Variants in NYAP2 observed in about 807,000 individuals in gnomAD.
NYAP2 encodes the protein neuronal tyrosine-phosphorylated phosphoinositide-3-kinase adaptor 2.
In NYAP2, 23 loss-of-function variants were observed where a neutral mutation model predicts 50.4. The observed-to-expected ratio is 0.46, with a 90% CI of 0.33 to 0.65. The LOEUF is 0.65. Ranked by LOEUF, NYAP2 falls within the 30% of genes least tolerant of loss-of-function variation. The pLI is 0.02. For synonymous variants in NYAP2, 394 were observed against 365.2 expected, an observed-to-expected ratio of 1.08 and a Z score of -0.90; for missense variants, 885 against 861.0, an observed-to-expected ratio of 1.03 and a Z score of -0.35.
Position 225,651,390 on chromosome 2 carries a change from T to C in NYAP2, c.1829-42T>C, listed in dbSNP as rs201004983. 6.8e-6 allele frequency: 11 copies of C among 1,613,106 alleles called. No individual in the cohort carries two copies. In the Admixed American group the frequency reaches 1.5e-4, roughly 22 times the overall value. Reference sequence around the variant, plus strand: ...TGAAAAGCCACTTCATTATTCCAGATGTCAGTCAGCTAATATTGTGTCTTT... The same window carrying C: ...TGAAAAGCCACTTCATTATTCCAGACGTCAGTCAGCTAATATTGTGTCTTT... On this transcript the variant is annotated intron_variant, in intron 6 of 6. Transcript: ENST00000636099.
At chr2:225,662,197 C>T in the NYAP2 span, among the ~76,000 whole-genome samples, 2 of 152,182 alleles carry the variant, frequency 1.3e-5, no homozygotes, top group African/African-American at 4.8e-5. Flanking sequence ...GCAAAATCTC[C>T]AAAGTTGACA....
At chr2:225,399,258 A>C (rs905700512), upstream of NYAP2, among the ~76,000 whole-genome samples, 3 of 152,034 alleles carry the variant, frequency 2.0e-5, no homozygotes, top group Non-Finnish European at 4.4e-5. Flanking sequence ...TCATAGTGCA[A>C]AATTAATAGA....
Position 225,523,998 on chromosome 2 carries a change from A to C in NYAP2, c.523+10326A>C, listed in dbSNP as rs115016040. Among the ~76,000 whole-genome samples the C allele has an allele frequency of 5.1e-3, 781 of 152,310 alleles. 6 individuals are homozygous for C. Among genetic ancestry groups the C allele is most frequent in the African/African-American group, 0.017 (716 of 41,570 alleles). On this transcript the variant is annotated intron_variant, in intron 4 of 6. Coordinates refer to ENST00000636099, the Ensembl canonical transcript of NYAP2. Reference sequence around the variant, plus strand: ...ATGCTTCTGGGAAAATTGGATAGCCATATGCAAAAGAATGAAGCTTGTATT... The same window carrying C: ...ATGCTTCTGGGAAAATTGGATAGCCCTATGCAAAAGAATGAAGCTTGTATT...
At chr2:225,559,474 A>G (rs562702214) in intron 4 of NYAP2, among the ~76,000 whole-genome samples, 1 of 152,208 alleles carries the variant, frequency 6.6e-6, no homozygotes, top group East Asian at 1.9e-4. Context: ...CTTACTGGAT[A>G]TTGGAGTTAA....
intron 3 of NYAP2, among the ~76,000 whole-genome samples, chr2:225,489,257 C>T (rs1162816322): frequency 6.6e-6 from 1 of 151,424 alleles, no homozygotes; most frequent in Non-Finnish European, 1.5e-5. Flanking sequence ...GTGATGATGC[C>T]ATCTTGGCTC....
At chr2:225,619,050 C>G (rs1693043215) in intron 5 of NYAP2, among the ~76,000 whole-genome samples, 1 of 152,104 alleles carries the variant, frequency 6.6e-6, no homozygotes, top group Non-Finnish European at 1.5e-5. Context: ...TCCTGGTGAA[C>G]CTGTAAGAAG....
chr2:225,566,228 TA>T (rs1408896667), intron 4 of NYAP2, among the ~76,000 whole-genome samples: 1 of 152,192 alleles, frequency 6.6e-6, no homozygotes, highest in East Asian at 1.9e-4. Flanking sequence ...TTACTGAAGT[TA>T]CAGTTCCACT....
intron 4 of NYAP2, among the ~76,000 whole-genome samples, chr2:225,566,932 T>C (rs542379245): frequency 3.9e-5 from 6 of 152,206 alleles, no homozygotes; most frequent in Admixed American, 6.5e-5. Flanking sequence ...TGTGTGTGTG[T>C]GCGTGTGTGT....
the NYAP2 span, among the ~76,000 whole-genome samples, chr2:225,683,344 C>T: frequency 1.3e-5 from 2 of 152,218 alleles, no homozygotes; most frequent in African/African-American, 4.8e-5. Flanking sequence ...GTAATAACTT[C>T]GATCACCTTC....
intron 5 of NYAP2, among the ~76,000 whole-genome samples, chr2:225,598,663 G>A (rs1692646950): frequency 6.6e-6 from 1 of 152,208 alleles, no homozygotes; most frequent in Non-Finnish European, 1.5e-5. Context: ...CCTAAATACA[G>A]ATAAGCTAGC....
intron 4 of NYAP2, among the ~76,000 whole-genome samples, chr2:225,516,971 G>A (rs962030182): frequency 1.3e-5 from 2 of 152,048 alleles, no homozygotes; most frequent in Non-Finnish European, 2.9e-5. Context: ...TTCTATTTAA[G>A]TAAGGGATTA....
the NYAP2 span, among the ~76,000 whole-genome samples, chr2:225,681,185 G>A: frequency 3.9e-5 from 6 of 152,172 alleles, no homozygotes; most frequent in Non-Finnish European, 8.8e-5. Flanking sequence ...CCCAACTTGT[G>A]GCTCTGCCAT....
At chr2:225,514,162 A>G (rs980820522) in intron 4 of NYAP2, among the ~76,000 whole-genome samples, 8 of 152,172 alleles carry the variant, frequency 5.3e-5, no homozygotes, top group African/African-American at 1.9e-4. Flanking sequence ...TAATATCTCC[A>G]ATTTTTACCT....
chr2:225,476,138 G>A lies in NYAP2; in HGVS notation c.222-37233G>A, dbSNP rs559738494. On this transcript the variant is annotated intron_variant, in intron 3 of 6. Coordinates refer to ENST00000636099, the Ensembl canonical transcript of NYAP2. ...GTCTAAAAAAATTTTTACTGACGGG[G>A]TGTGGTGGCTCACGCCTGTAATCCC... is the stretch of plus-strand genomic sequence containing the variant. Among the ~76,000 whole-genome samples the A allele has an allele frequency of 5.3e-5, 8 of 152,314 alleles. No homozygotes were observed. In the South Asian group the frequency reaches 1.4e-3, roughly 28 times the overall value.
intron 4 of NYAP2, among the ~76,000 whole-genome samples, chr2:225,573,870 C>G (rs1358606791): frequency 2.6e-5 from 4 of 152,144 alleles, no homozygotes; most frequent in Non-Finnish European, 4.4e-5. Context: ...CTGACATACT[C>G]TGTAGGTCAA....
chr2:225,603,234 A>G (rs1478276483), intron 5 of NYAP2, among the ~76,000 whole-genome samples: 1 of 152,168 alleles, frequency 6.6e-6, no homozygotes, highest in Non-Finnish European at 1.5e-5. Context: ...TCAGTCTTTC[A>G]TTCGTTCAAT....
chr2:225,489,173 CT>C (rs1416150925), intron 3 of NYAP2, among the ~76,000 whole-genome samples: 1 of 151,492 alleles, frequency 6.6e-6, no homozygotes, highest in African/African-American at 2.4e-5. Flanking sequence ...CCTTTTTCCC[CT>C]TTTTCTTTCT....
chr2:225,516,613 G>A (rs911855688), intron 4 of NYAP2, among the ~76,000 whole-genome samples: 3 of 151,852 alleles, frequency 2.0e-5, no homozygotes, highest in African/African-American at 7.3e-5. Context: ...CTTCTACCAA[G>A]TTATGACCTC....
upstream of NYAP2, among the ~76,000 whole-genome samples, chr2:225,398,367 C>A (rs955177930): frequency 6.6e-6 from 1 of 151,934 alleles, no homozygotes; most frequent in African/African-American, 2.4e-5. Context: ...AAATATAGAC[C>A]CCCAGACTGG....
Sources: allele counts gnomAD v4.1 joint callset (sites outside exome capture counted in the v4.1 genomes callset), GRCh38; gene constraint gnomAD v4.1.1; transcripts MANE v1.5; gene names NCBI Gene and HGNC (gene_info 2026-07-23, HGNC 2026-07-21).